The following VAC14 variants were observed in gnomAD, a reference collection of about 807,000 sequenced individuals.
The protein encoded by VAC14 is protein VAC14 homolog.
VAC14 carries 47 observed loss-of-function variants against 85.3 expected under a neutral mutation model. The ratio of observed to expected loss-of-function variants is 0.55; its 90% CI spans 0.44 to 0.70. The LOEUF is 0.70. Among genes scored for constraint, VAC14 ranks in the 30% least tolerant of loss-of-function variants. The pLI is 0.00. For missense variants in VAC14, 861 were observed against 1,004.3 expected, an observed-to-expected ratio of 0.86 and a Z score of 1.93; for synonymous variants, 447 against 430.5, an observed-to-expected ratio of 1.04 and a Z score of -0.47.
At position 70,799,675 on chromosome 16, in the gene VAC14, C is replaced by T. The variant is rs1352245934; in HGVS notation, c.104+1122G>A. On this transcript the variant is annotated intron_variant, in intron 1 of 18. Coordinates refer to ENST00000261776, the MANE Select transcript of VAC14 (RefSeq NM_018052.5). ...AAGGCACAGGACAGCCCACTACAAC[C>T]AAAAATCATCTGCCCCAAAATGTGA... Among the ~76,000 whole-genome samples the T allele has an allele frequency of 2.0e-5, 3 of 152,156 alleles. No individual in the cohort carries two copies. In the East Asian group the frequency reaches 5.8e-4, roughly 29 times the overall value.
At position 70,713,803 on chromosome 16, in the gene VAC14, T is replaced by C. The variant is rs150783884; in HGVS notation, c.1662-14992A>G. 6.3e-3 allele frequency among the ~76,000 whole-genome samples: 948 copies of C among 151,664 alleles called. 5 individuals are homozygous for C. The highest frequency in any genetic ancestry group is 9.9e-3 in the Non-Finnish European group (672 of 67,916). ...AAGTGATCCACCCACCTCTGCCTAC[T>C]AAAGTGCTGGGATTCTGGCGTGAGC... On this transcript the variant is annotated intron_variant, in intron 14 of 18. Coordinates refer to ENST00000261776, the MANE Select transcript of VAC14 (RefSeq NM_018052.5).
Position 70,745,508 on chromosome 16 carries a change from TGTGTGTGTGTGCGC to T in VAC14, c.1372-943_1372-930del, listed in dbSNP as rs1238048703. 7.4e-3 allele frequency among the ~76,000 whole-genome samples: 1,104 copies of T among 148,854 alleles called. 11 individuals carry two copies. Among genetic ancestry groups the T allele is most frequent in the African/African-American group, 0.028 (1,058 of 38,454 alleles). On this transcript the variant is annotated intron_variant, in intron 12 of 18. Transcript: ENST00000261776. ...GTGTGTGTGTGTGTGTGTGTGTGTG[TGTGTGTGTGTGCGC>T]GTGTGCGCGCGTGTGCCTGTGTGCA...
intron 13 of VAC14, among the ~76,000 whole-genome samples, chr16:70,739,571 G>C (rs1409414119): frequency 6.6e-6 from 1 of 152,102 alleles, no homozygotes; most frequent in East Asian, 1.9e-4. Flanking sequence ...AGGAGTGTGG[G>C]CTCTCGGGCC....
intron 12 of VAC14, among the ~76,000 whole-genome samples, chr16:70,753,868 A>G (rs965678241): frequency 3.9e-5 from 6 of 152,170 alleles, no homozygotes; most frequent in African/African-American, 1.4e-4. Context: ...GGTGTGAGTG[A>G]GAGCGCCCAT....
At chr16:70,688,348 G>A (rs908811909) in intron 18 of VAC14, 6 of 1,148,206 alleles carry the variant, frequency 5.2e-6, no homozygotes, top group Non-Finnish European at 6.4e-6. Context: ...TGGCGATGGC[G>A]CCCAGAGCAG....
rs760811310 is a variant in VAC14 at position 70,762,585 on chromosome 16, G to A, written c.1326C>T (p.Ser442=). The A allele has an allele frequency of 3.1e-6, 5 of 1,614,000 alleles. No homozygotes were observed. The East Asian group carries it at 8.9e-5, about 29-fold the overall frequency. The change falls in exon 12 of 19, where the codon AGC becomes AGT. Residue 442 remains serine (S), a synonymous_variant. Coordinates refer to ENST00000261776, the MANE Select transcript of VAC14 (RefSeq NM_018052.5). This position sits in a 1 kb window ranked among gnomAD's most constrained non-coding sequence, Gnocchi z 4.1. Reference sequence around the variant, plus strand: ...ACGTCTGCAGTAGGATGGGAAAGAGGCTGTCCGTGTGCCGGAACATCTGGA... The same window carrying A: ...ACGTCTGCAGTAGGATGGGAAAGAGACTGTCCGTGTGCCGGAACATCTGGA... ...TPRKMFRHTD[S]LFPILLQTLS... is the part of the protein sequence containing the mutation.
intron 14 of VAC14, among the ~76,000 whole-genome samples, chr16:70,710,896 G>A (rs1460163199): frequency 2.0e-5 from 3 of 152,240 alleles, no homozygotes; most frequent in Non-Finnish European, 2.9e-5. Flanking sequence ...CTAGTCTCTC[G>A]TGTTCCCGTG....
intron 12 of VAC14, chr16:70,747,948 A>T (rs1413955473): frequency 6.7e-6 from 1 of 149,914 alleles, no homozygotes; most frequent in Non-Finnish European, 1.5e-5. Flanking sequence ...TGGCCTGTGC[A>T]AGGTTGTCTC....
rs139159999 is a variant in VAC14, at chr16:70,700,467, C to T, written c.1662-1656G>A. On this transcript the variant is annotated intron_variant, in intron 14 of 18. Transcript: ENST00000261776. ...ACCAGCGGTGTGATCTCAATGTCTC[C>T]GCACAATTTTTCCACCTTAATTAGG... Among the ~76,000 whole-genome samples the T allele has an allele frequency of 5.8e-3, 878 of 152,328 alleles. 4 individuals are homozygous for T. Among genetic ancestry groups the T allele is most frequent in the Non-Finnish European group, 9.9e-3 (672 of 68,028 alleles).
At chr16:70,720,825 G>A (rs1057263700) in intron 14 of VAC14, among the ~76,000 whole-genome samples, 7 of 152,228 alleles carry the variant, frequency 4.6e-5, no homozygotes, top group South Asian at 2.1e-4. Context: ...GACTGGGGCC[G>A]GGGCAGGTCA....
chr16:70,714,948 C>T (rs2054128868), intron 14 of VAC14: 1 of 152,402 alleles, frequency 6.6e-6, no homozygotes, highest in Non-Finnish European at 1.5e-5. Flanking sequence ...CCCTCCGTCC[C>T]ACTGGAAGCT....
chr16:70,696,127 C>A (rs562965751), intron 16 of VAC14, among the ~76,000 whole-genome samples: 1 of 152,358 alleles, frequency 6.6e-6, no homozygotes, highest in East Asian at 1.9e-4. Flanking sequence ...ACTCCCAACT[C>A]CTGGCTGGTC....
At chr16:70,783,236 A>T in intron 6 of VAC14, 97 bp from the exon 7 acceptor site, 1 of 1,343,808 alleles carries the variant, frequency 7.4e-7, no homozygotes. Flanking sequence ...AGCCACCCAG[A>T]GGGCGGCTTG....
intron 12 of VAC14, among the ~76,000 whole-genome samples, chr16:70,756,389 GT>G (rs1420157083): frequency 6.6e-6 from 1 of 152,202 alleles, no homozygotes; most frequent in Non-Finnish European, 1.5e-5. Flanking sequence ...AACCTCCTGA[GT>G]TTTTCCGATC....
intron 1 of VAC14, among the ~76,000 whole-genome samples, chr16:70,788,205 C>G (rs943660966): frequency 6.6e-6 from 1 of 152,224 alleles, no homozygotes; most frequent in African/African-American, 2.4e-5. Flanking sequence ...GTAATTAAAA[C>G]CAACGGTGCT....
At chr16:70,689,715 T>C (rs753055261) in intron 18 of VAC14, 1 of 985,594 alleles carries the variant, frequency 1.0e-6, no homozygotes, top group Non-Finnish European at 1.2e-6. Flanking sequence ...CAGCTGACTT[T>C]AGTTCAACAA....
At chr16:70,768,949 T>A in intron 10 of VAC14, 1 of 328,826 alleles carries the variant, frequency 3.0e-6, no homozygotes, top group South Asian at 2.2e-5. Context: ...TACAGGTAAG[T>A]GCCACCACGC....
intron 14 of VAC14, among the ~76,000 whole-genome samples, chr16:70,729,924 T>C (rs2054541142): frequency 2.6e-5 from 4 of 152,074 alleles, no homozygotes; most frequent in Admixed American, 2.6e-4. Flanking sequence ...AAACTACTTC[T>C]TCAATACCTT....
chr16:70,704,897 C>T (rs559563103), intron 14 of VAC14, among the ~76,000 whole-genome samples: 110 of 152,322 alleles, frequency 7.2e-4, no homozygotes, highest in African/African-American at 2.6e-3. Flanking sequence ...GGAAGCTGGA[C>T]TCTGCCATGT....
Sources: gnomAD v4.1 joint callset for allele counts (sites outside exome capture counted in the v4.1 genomes callset) on GRCh38, gnomAD v4.1.1 for gene constraint, Gnocchi (gnomAD v3.1) non-coding constraint, MANE v1.5 for transcripts, NCBI Gene and HGNC (gene_info 2026-07-23, HGNC 2026-07-21) for gene names.